Variants in USH2A observed in about 807,000 individuals in gnomAD.
The protein encoded by USH2A is usherin, also known as Usher syndrome 2A (autosomal recessive, mild).
Under a neutral mutation model 538.9 loss-of-function variants are expected in USH2A, and 443 were observed. The observed-to-expected ratio is 0.82, with a 90% CI of 0.76 to 0.89. The LOEUF (loss-of-function observed/expected upper bound fraction) is 0.89. USH2A is among the 40% of genes least tolerant of loss of function. The pLI is 0.00. For synonymous variants in USH2A, 2,413 were observed against 2,273.5 expected (o/e 1.06, Z -1.75); for missense variants, 6,633 against 6,324.8 (o/e 1.05, Z -1.65).
chr1:216,021,326 C>T (rs1369285150), intron 32 of USH2A, among the ~76,000 whole-genome samples: 1 of 152,056 alleles, frequency 6.6e-6, no homozygotes, highest in East Asian at 1.9e-4. Context: ...ATACTGTTCT[C>T]GTGGTAGTGA....
chr1:215,877,744 T>C lies in USH2A; in HGVS notation c.8681+14A>G, dbSNP rs576328957. On this transcript the variant is annotated intron_variant, in intron 43 of 71. Coordinates refer to ENST00000307340, the MANE Select transcript of USH2A (RefSeq NM_206933.4). ...AAATGCCAGCATTTGTTTTTATAGT[T>C]TTTGTAATCTCACCTGCTAAGACCC... 19 of 1,613,374 alleles carry C rather than the reference T, an allele frequency of 1.2e-5. No homozygotes were observed. In the African/African-American group the frequency reaches 2.3e-4, roughly 19 times the overall value.
rs140827880 is a variant in USH2A, at chr1:215,950,358, T to C, written c.7120+14959A>G. 7.6e-3 allele frequency among the ~76,000 whole-genome samples: 1,150 copies of C among 152,288 alleles called. 16 individuals carry two copies. Among genetic ancestry groups the C allele is most frequent in the African/African-American group, 0.026 (1,100 of 41,564 alleles). On this transcript the variant is annotated intron_variant, in intron 37 of 71. Transcript: ENST00000307340. Reference sequence around the variant, plus strand: ...TTTTTTGTGTGTAATACAAGAAACATTCATGATATAATGTTAAATGTGTAA... The same window carrying C: ...TTTTTTGTGTGTAATACAAGAAACACTCATGATATAATGTTAAATGTGTAA...
intron 21 of USH2A, among the ~76,000 whole-genome samples, chr1:216,128,808 T>A (rs912539068): frequency 6.6e-6 from 1 of 152,070 alleles, no homozygotes; most frequent in East Asian, 1.9e-4. Flanking sequence ...TTGTTAATTA[T>A]AGTCACACTA....
intron 14 of USH2A, among the ~76,000 whole-genome samples, chr1:216,221,283 CT>C (rs1039074192): frequency 6.6e-6 from 1 of 152,192 alleles, no homozygotes; most frequent in African/African-American, 2.4e-5. Flanking sequence ...GAGCTGGTAT[CT>C]GTTCAGATTC....
chr1:216,196,739 T>C lies in USH2A; in HGVS notation c.4082-17A>G. The C allele has an allele frequency of 1.9e-6, 3 of 1,610,616 alleles. No individual in the cohort carries two copies. Among genetic ancestry groups the C allele is most frequent in the Non-Finnish European group, 2.5e-6 (3 of 1,178,078 alleles). On this transcript the variant is annotated splice_polypyrimidine_tract_variant and intron_variant, in intron 18 of 71. Transcript: ENST00000307340. ...ATACAGGTGCTATCAATGAGAACAA[T>C]AACAATAACATCAAAACAATGAATG...
chr1:215,635,477 G>A (rs1023718389), intron 69 of USH2A, among the ~76,000 whole-genome samples: 1 of 152,142 alleles, frequency 6.6e-6, no homozygotes, highest in African/African-American at 2.4e-5. Context: ...GAATGTACCT[G>A]GTGCCAGGTC....
Position 215,776,420 on chromosome 1 carries a change from T to G in USH2A, c.10939+3423A>C, listed in dbSNP as rs546990357. Among the ~76,000 whole-genome samples the G allele has an allele frequency of 3.3e-5, 5 of 152,334 alleles. No homozygotes were observed. In the South Asian group the frequency reaches 1.0e-3, roughly 32 times the overall value. Reference sequence around the variant, plus strand: ...AGAGGATTATAAGCAATTTATGGATTTCACATGATGAGTGCATTCGCCACT... The same window carrying G: ...AGAGGATTATAAGCAATTTATGGATGTCACATGATGAGTGCATTCGCCACT... On this transcript the variant is annotated intron_variant, in intron 55 of 71. Transcript: ENST00000307340.
At chr1:215,899,191 C>A (rs190939285) in intron 40 of USH2A, among the ~76,000 whole-genome samples, 23 of 152,314 alleles carry the variant, frequency 1.5e-4, no homozygotes, top group Admixed American at 1.4e-3. Context: ...AAATACCATA[C>A]TTTTGTGTTA....
intron 21 of USH2A, among the ~76,000 whole-genome samples, chr1:216,126,688 G>T (rs1332151655): frequency 6.6e-6 from 1 of 151,816 alleles, no homozygotes; most frequent in Admixed American, 6.6e-5. Context: ...CCTAATTTTT[G>T]CAATAATAAT....
chr1:215,724,849 C>T (rs1318442375), intron 61 of USH2A, among the ~76,000 whole-genome samples: 1 of 152,022 alleles, frequency 6.6e-6, no homozygotes, highest in Non-Finnish European at 1.5e-5. Flanking sequence ...TGGTTATTTG[C>T]CAAATCAGAT....
At position 215,779,886 on chromosome 1, in the gene USH2A, G is replaced by A. The variant is rs200287425; in HGVS notation, c.10896C>T (p.Leu3632=). 3.8e-4 allele frequency: 611 copies of A among 1,614,016 alleles called. 1 individual carries two copies. The highest frequency in any genetic ancestry group is 7.6e-4 in the South Asian group (69 of 91,062). The part of the protein sequence containing the change: ...EYQIRQVGKG[L]IHTDTTDRRQ... ...TCCTGTCAGTGGTGTCAGTGTGGAT[G>A]AGACCTTTCCCAACCTGCCTGATCT... Residue 3632 remains leucine (L), a synonymous_variant, in exon 55 of 72, where the codon CTC becomes CTT. Transcript: ENST00000307340.
rs1668036948 is a variant in USH2A at position 215,993,003 on chromosome 1, TAA to T, written c.6805+15_6805+16del. On this transcript the variant is annotated intron_variant, in intron 35 of 71. Coordinates refer to ENST00000307340, the MANE Select transcript of USH2A (RefSeq NM_206933.4). ...GCTAATCATCTTTTTAACTTGAGGC[TAA>T]AAGAGTTCACTTACCATTCGGATAT... 5.0e-6 allele frequency: 8 copies of T among 1,614,040 alleles called. No individual in the cohort carries two copies. Among genetic ancestry groups the T allele is most frequent in the Non-Finnish European group, 6.8e-6 (8 of 1,179,914 alleles).
chr1:215,947,566 G>C lies in USH2A; in HGVS notation c.7121-12771C>G, dbSNP rs758933571. 3.5e-4 allele frequency among the ~76,000 whole-genome samples: 53 copies of C among 152,270 alleles called. No homozygotes were observed. The Middle Eastern group carries it at 0.014, about 39-fold the overall frequency. Reference sequence around the variant, plus strand: ...AAGATCTGCCTACATATACTCACAAGAGATGGAGGTGAAACTTTTATTCAC... The same window carrying C: ...AAGATCTGCCTACATATACTCACAACAGATGGAGGTGAAACTTTTATTCAC... On this transcript the variant is annotated intron_variant, in intron 37 of 71. Transcript: ENST00000307340.
Position 216,244,155 on chromosome 1 carries a change from T to C in USH2A, c.2809+2430A>G, listed in dbSNP as rs145331176. ...ACTAGTCAGAGGATGCCAACTAACA[T>C]TGAAAAGGAGGATTATACTGCATTC... On this transcript the variant is annotated intron_variant, in intron 13 of 71. Transcript: ENST00000307340. 1.1e-3 allele frequency among the ~76,000 whole-genome samples: 170 copies of C among 152,180 alleles called. 1 individual carries two copies. Among genetic ancestry groups the C allele is most frequent in the African/African-American group, 3.9e-3 (162 of 41,516 alleles).
chr1:215,977,307 C>G (rs1343312318), intron 35 of USH2A, among the ~76,000 whole-genome samples: 1 of 151,994 alleles, frequency 6.6e-6, no homozygotes, highest in Non-Finnish European at 1.5e-5. Flanking sequence ...TTTGAGGTAG[C>G]TATTTAGCAC....
intron 20 of USH2A, among the ~76,000 whole-genome samples, chr1:216,179,149 C>G (rs191615456): frequency 6.6e-6 from 1 of 152,190 alleles, no homozygotes; most frequent in Admixed American, 6.5e-5. Context: ...AGCACCACCA[C>G]AGAAATCAAA....
At chr1:215,818,404 CT>C (rs796968808) in intron 47 of USH2A, among the ~76,000 whole-genome samples, 42 of 147,010 alleles carry the variant, frequency 2.9e-4, no homozygotes, top group South Asian at 2.8e-3. Flanking sequence ...TAAATAGATT[CT>C]TTTTTTTTTC....
chr1:215,902,251 A>G (rs1665520996), intron 38 of USH2A, among the ~76,000 whole-genome samples: 1 of 152,178 alleles, frequency 6.6e-6, no homozygotes, highest in South Asian at 2.1e-4. Context: ...AACCTTGTGT[A>G]GTGTGTCAAT....
chr1:216,343,157 A>G (rs1039452106), intron 4 of USH2A, among the ~76,000 whole-genome samples: 4 of 152,044 alleles, frequency 2.6e-5, no homozygotes, highest in Admixed American at 2.6e-4. Flanking sequence ...AAATAGATAT[A>G]GCTGCCCACA....
Sources: gnomAD v4.1 joint callset for allele counts (sites outside exome capture counted in the v4.1 genomes callset) on GRCh38, gnomAD v4.1.1 for gene constraint, MANE v1.5 for transcripts, NCBI Gene and HGNC (gene_info 2026-07-23, HGNC 2026-07-21) for gene names.